CNKSR2: variants seen among roughly 807,000 people sequenced by gnomAD.
The protein encoded by CNKSR2 is connector enhancer of kinase suppressor of Ras 2.
CNKSR2 carries 14 observed loss-of-function variants against 84.4 expected under a neutral mutation model. The ratio of observed to expected loss-of-function variants is 0.17; its 90% confidence interval spans 0.11 to 0.26. The LOEUF (loss-of-function observed/expected upper bound fraction) is 0.26, where lower values mean the gene tolerates loss of function less well. Ranked by LOEUF, CNKSR2 falls within the 10% of genes least tolerant of loss-of-function variation. The pLI is 1.00. For missense variants in CNKSR2, 485 were observed against 771.2 expected (o/e 0.63, Z 4.40); for synonymous variants, 275 against 277.9 (o/e 0.99, Z 0.10).
intron 9 of CNKSR2, among the ~76,000 whole-genome samples, chrX:21,524,380 T>C (rs2091814240): frequency 1.8e-5 from 2 of 111,273 alleles, no homozygotes; most frequent in African/African-American, 6.5e-5. Flanking sequence ...TTAAGCATAT[T>C]TAAGAGTCTT....
rs753257066 is a variant in CNKSR2 at position 21,502,473 on chromosome X, G to A, written c.810+885G>A. 2.8e-5 allele frequency among the ~76,000 whole-genome samples: 3 copies of A among 109,013 alleles called. No individual in the cohort carries two copies. In the South Asian group the frequency reaches 1.2e-3, roughly 44 times the overall value. 94.7% of individuals were successfully genotyped at this position (109,013 alleles called of 115,157 possible). ...AGTTTTTATTAGTATTCTGCTCCTC[G>A]CTTACTAACTCATCAGAGTGAGTAA... On this transcript the variant is annotated intron_variant, in intron 8 of 21. Transcript: ENST00000379510.
At chrX:21,514,072 C>G (rs2091702598) in intron 8 of CNKSR2, among the ~76,000 whole-genome samples, 1 of 111,599 alleles carries the variant, frequency 9.0e-6, no homozygotes, top group African/African-American at 3.3e-5. Flanking sequence ...TATGTACATT[C>G]TTTAACAAAA....
At chrX:21,591,766 A>C (rs185935535) in intron 15 of CNKSR2, 1 of 111,049 alleles carries the variant, frequency 9.0e-6, no homozygotes, top group Admixed American at 9.6e-5. Flanking sequence ...GGGTGTTTTA[A>C]TATAACAGAT....
At chrX:21,582,867 A>T (rs2092361789) in intron 13 of CNKSR2, among the ~76,000 whole-genome samples, 1 of 111,457 alleles carries the variant, frequency 9.0e-6, no homozygotes, top group Non-Finnish European at 1.9e-5. Context: ...GTGTAGGAAC[A>T]GGAGGACTCA....
At chrX:21,537,062 T>C (rs2091935317) in intron 11 of CNKSR2, among the ~76,000 whole-genome samples, 1 of 110,838 alleles carries the variant, frequency 9.0e-6, no homozygotes, top group Non-Finnish European at 1.9e-5. Flanking sequence ...TAGGTTTTTG[T>C]ATATTGTATT....
chrX:21,609,763 C>T (rs2092540438), intron 20 of CNKSR2, 146 bp downstream of exon 20: 1 of 776,591 alleles, frequency 1.3e-6, no homozygotes, highest in South Asian at 3.7e-5. Context: ...CCCTTGGTGA[C>T]CTACTTTCAG....
chrX:21,451,330 C>T (rs1346614962), intron 4 of CNKSR2, among the ~76,000 whole-genome samples: 1 of 110,976 alleles, frequency 9.0e-6, no homozygotes, highest in African/African-American at 3.3e-5. Context: ...CCATTTGACC[C>T]AGCCATCCCA....
chrX:21,645,582 A>G (rs2092704536), intron 20 of CNKSR2: 1 of 111,629 alleles, frequency 9.0e-6, no homozygotes, highest in Non-Finnish European at 1.9e-5. Flanking sequence ...ATTCATTCAA[A>G]TTGCAAAAGA....
intron 5 of CNKSR2, among the ~76,000 whole-genome samples, chrX:21,477,196 T>G (rs753234383): frequency 1.8e-5 from 2 of 112,061 alleles, no homozygotes; most frequent in Non-Finnish European, 3.8e-5. Context: ...TAAATCAGAT[T>G]GTTCTGAGCT....
intron 4 of CNKSR2, among the ~76,000 whole-genome samples, chrX:21,447,495 T>C (rs945748924): frequency 9.0e-6 from 1 of 111,637 alleles, no homozygotes; most frequent in African/African-American, 3.3e-5. Context: ...TAAGAAGAGG[T>C]AACTTTTACC....
chrX:21,543,432 C>G (rs773011536), intron 11 of CNKSR2, among the ~76,000 whole-genome samples: 1 of 112,479 alleles, frequency 8.9e-6, no homozygotes, highest in Non-Finnish European at 1.9e-5. Context: ...TGGTTAGCCT[C>G]ACAAAATAAT....
chrX:21,524,622 A>G (rs1448604385), intron 9 of CNKSR2, among the ~76,000 whole-genome samples: 1 of 110,649 alleles, frequency 9.0e-6, no homozygotes, highest in African/African-American at 3.3e-5. Context: ...AGGTGTATGT[A>G]TTTTAAAATA....
At chrX:21,417,334 C>A (rs1272965433) in intron 1 of CNKSR2, among the ~76,000 whole-genome samples, 1 of 111,865 alleles carries the variant, frequency 8.9e-6, no homozygotes, top group Admixed American at 9.5e-5. Flanking sequence ...TGTAACCTAA[C>A]ATGGTCTGTC....
At chrX:21,391,837 A>G (rs753676559) in intron 1 of CNKSR2, among the ~76,000 whole-genome samples, 15 of 111,986 alleles carry the variant, frequency 1.3e-4, no homozygotes, top group Non-Finnish European at 2.6e-4. Context: ...CCTTTTAAAT[A>G]TAAGTTCCAG....
chrX:21,541,322 C>T (rs190080805), intron 11 of CNKSR2, among the ~76,000 whole-genome samples: 88 of 111,620 alleles, frequency 7.9e-4, no homozygotes, highest in Admixed American at 5.7e-3. Flanking sequence ...TGTTATTTAA[C>T]GAAGATTCTT....
intron 16 of CNKSR2, 96 bp downstream of exon 16, chrX:21,595,143 A>G (rs1340489274): frequency 2.7e-6 from 2 of 731,904 alleles, no homozygotes; most frequent in East Asian, 3.4e-5. Flanking sequence ...TTTCACATTG[A>G]GGTAATAAGA....
intron 4 of CNKSR2, among the ~76,000 whole-genome samples, chrX:21,453,683 G>A (rs1441137009): frequency 9.0e-6 from 1 of 111,616 alleles, no homozygotes; most frequent in Non-Finnish European, 1.9e-5. Context: ...GGTTTAAAGA[G>A]CTACCTGAGT....
Position 21,380,749 on chromosome X carries a change from C to T in CNKSR2, c.64+5788C>T, listed in dbSNP as rs748307472. Among the ~76,000 whole-genome samples the T allele has an allele frequency of 9.4e-4, 105 of 111,786 alleles. 1 individual carries two copies. The highest frequency in any genetic ancestry group is 1.8e-3 in the Non-Finnish European group (95 of 53,105). On this transcript the variant is annotated intron_variant, in intron 1 of 21. Coordinates refer to ENST00000379510, the MANE Select transcript of CNKSR2 (RefSeq NM_014927.5). ...AGGCGTGAGCCACTGCACCCAGCCTCAATTTGTTCTTAATGACTTTTAGCT... is the reference window on the plus strand; with the variant it reads ...AGGCGTGAGCCACTGCACCCAGCCTTAATTTGTTCTTAATGACTTTTAGCT...
At chrX:21,582,049 T>A (rs973247776) in intron 13 of CNKSR2, among the ~76,000 whole-genome samples, 2 of 111,562 alleles carry the variant, frequency 1.8e-5, no homozygotes, top group African/African-American at 6.5e-5. Context: ...TGTACTGAAA[T>A]GTAATTGCAG....
Sources: gnomAD v4.1 joint callset for allele counts (sites outside exome capture counted in the v4.1 genomes callset) on GRCh38, gnomAD v4.1.1 for gene constraint, MANE v1.5 for transcripts, NCBI Gene and HGNC (gene_info 2026-07-23, HGNC 2026-07-21) for gene names.